The following EPHX1 variants were observed in gnomAD, a reference collection of about 807,000 sequenced individuals.
EPHX1 encodes the protein epoxide hydrolase 1.
EPHX1 carries 40 observed loss-of-function variants against 43.2 expected under a neutral mutation model. The observed-to-expected ratio is 0.93, with a 90% CI of 0.72 to 1.21. The LOEUF is 1.21. Among genes scored for constraint, EPHX1 ranks in the 50% most tolerant of loss-of-function variants. The pLI is 0.00. For missense variants in EPHX1, 550 were observed against 570.4 expected (o/e 0.96, Z 0.36); for synonymous variants, 221 against 226.7 (o/e 0.98, Z 0.22).
intron 1 of EPHX1, among the ~76,000 whole-genome samples, chr1:225,819,399 T>TAA (rs56943900): frequency 1.4e-5 from 2 of 142,740 alleles, no homozygotes; most frequent in African/African-American, 2.6e-5. Context: ...AGACTCCATC[T>TAA]AAAAAAAAAA....
intron 3 of EPHX1, among the ~76,000 whole-genome samples, chr1:225,834,873 C>T (rs541659286): frequency 3.8e-4 from 58 of 152,278 alleles, no homozygotes; most frequent in Non-Finnish European, 5.3e-4. Flanking sequence ...GCCTGCTGTA[C>T]CCAGGCATTC....
In EPHX1 at chr1:225,842,473, A is replaced by C; in HGVS notation, c.1039A>C (p.Arg347=). The change falls in exon 7 of 9, where the codon AGG becomes CGG. Residue 347 remains arginine (R), a splice_region_variant and synonymous_variant. Transcript: ENST00000272167. ...FRYLEDGGLE[R]KFSLDDLLTN... ...ATACCTGGAGGATGGAGGCCTGGAA[A>C]GGTGAGGCCCTGGTTTGCCCCTGCA... 1 of 1,608,796 alleles carries C rather than the reference A, an allele frequency of 6.2e-7. No individual in the cohort carries two copies. The highest frequency in any genetic ancestry group is 8.5e-7 in the Non-Finnish European group (1 of 1,175,052).
intron 6 of EPHX1, 83 bp from the exon 7 acceptor site, chr1:225,842,283 G>A (rs1668491604): frequency 1.9e-6 from 2 of 1,057,072 alleles, no homozygotes; most frequent in Admixed American, 3.5e-5. Context: ...GCCCTCTGCG[G>A]CCAGTGCCAC....
intron 1 of EPHX1, among the ~76,000 whole-genome samples, chr1:225,825,104 C>T (rs1254189348): frequency 2.0e-5 from 3 of 152,208 alleles, no homozygotes; most frequent in Admixed American, 6.5e-5. Flanking sequence ...CTGGGTGATA[C>T]ACCTGGTAGT....
intron 3 of EPHX1, among the ~76,000 whole-genome samples, chr1:225,833,053 C>T (rs45456795): frequency 0.058 from 8,773 of 152,214 alleles, 316 homozygotes; most frequent in East Asian, 0.1. Context: ...TATTCACAGG[C>T]GTGATCATGG....
intron 2 of EPHX1, among the ~76,000 whole-genome samples, chr1:225,831,197 A>G (rs1352992361): frequency 6.6e-6 from 1 of 152,072 alleles, no homozygotes; most frequent in Non-Finnish European, 1.5e-5. Context: ...AAGTTTGCCG[A>G]CTCCCGCTGT....
intron 1 of EPHX1, among the ~76,000 whole-genome samples, chr1:225,818,370 A>T (rs1161958417): frequency 2.0e-5 from 3 of 152,144 alleles, no homozygotes; most frequent in African/African-American, 7.2e-5. Context: ...CAGTCACATA[A>T]TCACCCTGAC....
chr1:225,819,327 C>G (rs563496348), intron 1 of EPHX1, among the ~76,000 whole-genome samples: 20 of 151,728 alleles, frequency 1.3e-4, no homozygotes, highest in Non-Finnish European at 2.5e-4. Flanking sequence ...CTTGCTTGAA[C>G]CAGGGCGGAG....
intron 1 of EPHX1, among the ~76,000 whole-genome samples, chr1:225,827,357 A>C (rs767303149): frequency 2.6e-5 from 4 of 152,076 alleles, no homozygotes; most frequent in Non-Finnish European, 4.4e-5. Flanking sequence ...CCCTCCTCTG[A>C]CTCAGGCATA....
chr1:225,840,061 C>T (rs377018215), intron 6 of EPHX1, 24 bp downstream of exon 6: 8 of 1,611,950 alleles, frequency 5.0e-6, no homozygotes, highest in Non-Finnish European at 6.8e-6. Flanking sequence ...GGGGTCCTCG[C>T]CCACTGCCGG....
chr1:225,845,094 G>C, intron 8 of EPHX1, 52 bp from the exon 9 acceptor site: 2 of 1,596,060 alleles, frequency 1.3e-6, no homozygotes, highest in Admixed American at 1.7e-5. Flanking sequence ...TGTGCAGGAC[G>C]GAGGGGCGCA....
At chr1:225,835,274 A>G (rs1434565641) in intron 3 of EPHX1, among the ~76,000 whole-genome samples, 1 of 151,716 alleles carries the variant, frequency 6.6e-6, no homozygotes, top group African/African-American at 2.4e-5. Flanking sequence ...GCTGGAGTGC[A>G]GTGGTGTGAT....
Position 225,821,856 on chromosome 1 carries a change from A to G in EPHX1, c.-5-6869A>G, listed in dbSNP as rs144470649. On this transcript the variant is annotated intron_variant, in intron 1 of 8. Transcript: ENST00000272167. ...GGGATTACAGGTGATTTACCTTTTA[A>G]CTGTGCCAAAGAACAAAGCACCTAC... is the stretch of plus-strand genomic sequence containing the variant. Among the ~76,000 whole-genome samples the G allele has an allele frequency of 5.8e-3, 888 of 152,090 alleles. 12 individuals are homozygous for G. Among genetic ancestry groups the G allele is most frequent in the African/African-American group, 0.02 (844 of 41,458 alleles).
In EPHX1 at chr1:225,833,819, T is replaced by C. The variant is rs528228536; in HGVS notation, c.364+1860T>C. On this transcript the variant is annotated intron_variant, in intron 3 of 8. Coordinates refer to ENST00000272167, the MANE Select transcript of EPHX1 (RefSeq NM_001136018.4). The stretch of plus-strand genomic sequence containing the variant: ...TTAAAAAAAAAAAAAAAAAACAGGC[T>C]GGGCGCCGTGGCTCACGCCTGTAAT... 6.4e-3 allele frequency among the ~76,000 whole-genome samples: 864 copies of C among 135,338 alleles called. 5 individuals carry two copies. Among genetic ancestry groups the C allele is most frequent in the East Asian group, 0.045 (207 of 4,640 alleles). 88.8% of individuals were successfully genotyped at this position (135,338 alleles called of 152,430 possible).
intron 6 of EPHX1, among the ~76,000 whole-genome samples, chr1:225,842,048 TA>T (rs939503771): frequency 4.6e-5 from 7 of 152,246 alleles, no homozygotes; most frequent in African/African-American, 1.7e-4. Flanking sequence ...CCCGCCTTTT[TA>T]AAAACAGCAC....
At chr1:225,820,735 T>A (rs1666943899) in intron 1 of EPHX1, among the ~76,000 whole-genome samples, 1 of 152,104 alleles carries the variant, frequency 6.6e-6, no homozygotes, top group Non-Finnish European at 1.5e-5. Flanking sequence ...AAAACCCTGC[T>A]CAATGACCCC....
chr1:225,839,800 C>T, intron 5 of EPHX1, 29 bp from the exon 6 acceptor site: 3 of 1,610,814 alleles, frequency 1.9e-6, no homozygotes, highest in Non-Finnish European at 2.5e-6. Context: ...CCAGCCCAGC[C>T]TCACCCCGGC....
At chr1:225,821,628 A>G (rs1293327618) in intron 1 of EPHX1, among the ~76,000 whole-genome samples, 1 of 125,498 alleles carries the variant, frequency 8.0e-6, no homozygotes, top group East Asian at 2.3e-4. Flanking sequence ...TGCAGTGATC[A>G]TAGCTCACTG....
intron 2 of EPHX1, among the ~76,000 whole-genome samples, chr1:225,829,316 C>T (rs1667443277): frequency 6.6e-6 from 1 of 152,194 alleles, no homozygotes; most frequent in African/African-American, 2.4e-5. Flanking sequence ...ACTGGTTAGG[C>T]ACCGGCTGTG....
Sources: gnomAD v4.1 joint callset for allele counts (sites outside exome capture counted in the v4.1 genomes callset) on GRCh38, gnomAD v4.1.1 for gene constraint, MANE v1.5 for transcripts, NCBI Gene and HGNC (gene_info 2026-07-23, HGNC 2026-07-21) for gene names.